Variants in MACROD2 observed in about 807,000 individuals in gnomAD.
MACROD2 encodes mono-ADP ribosylhydrolase 2, also known as ADP-ribose glycohydrolase MACROD2.
In MACROD2, 36 loss-of-function variants were observed where a neutral mutation model predicts 70.4. The ratio of observed to expected loss-of-function variants is 0.51; its 90% CI spans 0.39 to 0.68. The LOEUF (loss-of-function observed/expected upper bound fraction) is 0.68, where lower values mean the gene tolerates loss of function less well. MACROD2 is among the 30% of genes least tolerant of loss of function. MACROD2 has a pLI of 0.00. For missense variants in MACROD2, 496 were observed against 538.4 expected, an observed-to-expected ratio of 0.92 and a Z score of 0.78; for synonymous variants, 172 against 178.8, an observed-to-expected ratio of 0.96 and a Z score of 0.30.
intron 3 of MACROD2, among the ~76,000 whole-genome samples, chr20:14,406,443 A>G (rs943264953): frequency 6.6e-6 from 1 of 152,124 alleles, no homozygotes; most frequent in African/African-American, 2.4e-5. Context: ...CCTGGTACAA[A>G]GAATGATGTG....
At position 14,201,295 on chromosome 20, in the gene MACROD2, A is replaced by C. The variant is rs139979437; in HGVS notation, c.271+115567A>C. ...GCCTTGGATAATCTATAAACTATGCAATCAGCTTCTTAAATATTCTTTTCT... is the reference window on the plus strand; with the variant it reads ...GCCTTGGATAATCTATAAACTATGCCATCAGCTTCTTAAATATTCTTTTCT... On this transcript the variant is annotated intron_variant, in intron 3 of 17. Coordinates refer to ENST00000684519, the MANE Select transcript of MACROD2 (RefSeq NM_001351661.2). 7.7e-4 allele frequency among the ~76,000 whole-genome samples: 117 copies of C among 152,336 alleles called. 2 individuals are homozygous for C. Among genetic ancestry groups the C allele is most frequent in the Middle Eastern group, 3.4e-3 (1 of 294 alleles).
chr20:14,191,452 A>G (rs1293395449), intron 3 of MACROD2, among the ~76,000 whole-genome samples: 1 of 152,212 alleles, frequency 6.6e-6, no homozygotes, highest in East Asian at 1.9e-4. Flanking sequence ...TTCAATAAAT[A>G]TTTAAGTAGT....
intron 8 of MACROD2, among the ~76,000 whole-genome samples, chr20:15,608,243 C>T (rs774272082): frequency 9.8e-5 from 15 of 152,298 alleles, no homozygotes; most frequent in African/African-American, 2.6e-4. Context: ...ATTTTTCAAA[C>T]GTGCACTCTC....
chr20:14,997,947 G>T (rs59888773), intron 5 of MACROD2, among the ~76,000 whole-genome samples: 3,614 of 152,282 alleles, frequency 0.024, 140 homozygotes, highest in African/African-American at 0.082. Flanking sequence ...GAGAACAAGA[G>T]ACTGCTGGTA....
At chr20:14,463,661 G>T (rs1027203235) in intron 3 of MACROD2, among the ~76,000 whole-genome samples, 1 of 151,992 alleles carries the variant, frequency 6.6e-6, no homozygotes, top group African/African-American at 2.4e-5. Flanking sequence ...TATGATATTG[G>T]CTGTGGGTTT....
At chr20:14,197,144 T>A (rs960706539) in intron 3 of MACROD2, among the ~76,000 whole-genome samples, 17 of 152,262 alleles carry the variant, frequency 1.1e-4, no homozygotes, top group African/African-American at 4.1e-4. Context: ...TTTTGGCATT[T>A]GAAATGCATA....
chr20:15,573,444 T>G (rs2048402112), intron 8 of MACROD2, among the ~76,000 whole-genome samples: 1 of 152,112 alleles, frequency 6.6e-6, no homozygotes, highest in Non-Finnish European at 1.5e-5. Context: ...CATAGGAAAA[T>G]CAGCAAAGGT....
intron 5 of MACROD2, among the ~76,000 whole-genome samples, chr20:14,753,322 T>G (rs564155673): frequency 6.6e-6 from 1 of 152,176 alleles, no homozygotes; most frequent in South Asian, 2.1e-4. Flanking sequence ...AAGACCAAGT[T>G]TCATGTCAGC....
At chr20:15,538,569 G>A (rs945963281) in intron 8 of MACROD2, among the ~76,000 whole-genome samples, 1 of 152,158 alleles carries the variant, frequency 6.6e-6, no homozygotes, top group Non-Finnish European at 1.5e-5. Flanking sequence ...TTGAAATGAA[G>A]CATCATTGTT....
intron 10 of MACROD2, among the ~76,000 whole-genome samples, chr20:15,915,052 C>T (rs1663301631): frequency 6.6e-6 from 1 of 152,172 alleles, no homozygotes; most frequent in South Asian, 2.1e-4. Flanking sequence ...TGGGGTGTGC[C>T]ACCGTCCTAG....
At chr20:14,099,291 G>A (rs752793966) in intron 3 of MACROD2, among the ~76,000 whole-genome samples, 18 of 151,500 alleles carry the variant, frequency 1.2e-4, no homozygotes, top group African/African-American at 3.4e-4. Flanking sequence ...AAAAAAAAAG[G>A]CAGCAGAATG....
At chr20:15,329,985 T>C (rs1343917492) in intron 6 of MACROD2, among the ~76,000 whole-genome samples, 1 of 152,034 alleles carries the variant, frequency 6.6e-6, no homozygotes, top group African/African-American at 2.4e-5. Context: ...TCCTTATCTC[T>C]GAAGACACCG....
At chr20:14,876,494 G>A (rs551026919) in intron 5 of MACROD2, among the ~76,000 whole-genome samples, 1 of 152,172 alleles carries the variant, frequency 6.6e-6, no homozygotes, top group East Asian at 1.9e-4. Context: ...GTCAATTTTT[G>A]TTTTAGTAGC....
At chr20:15,320,223 A>G (rs180804554) in intron 6 of MACROD2, among the ~76,000 whole-genome samples, 2 of 152,272 alleles carry the variant, frequency 1.3e-5, no homozygotes, top group East Asian at 3.9e-4. Flanking sequence ...AAACAAAACA[A>G]AAAACATTGT....
intron 3 of MACROD2, among the ~76,000 whole-genome samples, chr20:14,492,962 C>T (rs534449100): frequency 2.3e-4 from 35 of 152,048 alleles, no homozygotes; most frequent in African/African-American, 8.2e-4. Flanking sequence ...ACGTTTATTT[C>T]TTTCCTCAAA....
intron 5 of MACROD2, among the ~76,000 whole-genome samples, chr20:15,030,467 T>C (rs2075265947): frequency 6.6e-6 from 1 of 152,154 alleles, no homozygotes; most frequent in Non-Finnish European, 1.5e-5. Context: ...TTTTGAGGCA[T>C]GTTCTACACA....
chr20:14,924,434 G>T (rs2122649603), intron 5 of MACROD2, among the ~76,000 whole-genome samples: 1 of 151,024 alleles, frequency 6.6e-6, no homozygotes, highest in South Asian at 2.1e-4. Context: ...GCAATACTCT[G>T]CCTCAAAAAA....
At chr20:15,626,788 G>A (rs981692264) in intron 8 of MACROD2, among the ~76,000 whole-genome samples, 1 of 152,094 alleles carries the variant, frequency 6.6e-6, no homozygotes, top group African/African-American at 2.4e-5. Context: ...CCAGGAGATG[G>A]AGGTTGCAGT....
intron 2 of MACROD2, among the ~76,000 whole-genome samples, chr20:14,036,927 TAA>T (rs1232893607): frequency 6.6e-6 from 1 of 152,252 alleles, no homozygotes; most frequent in Non-Finnish European, 1.5e-5. Context: ...AATTAGTTTT[TAA>T]TTTACTAATC....
Sources: gnomAD v4.1 joint callset for allele counts (sites outside exome capture counted in the v4.1 genomes callset) on GRCh38, gnomAD v4.1.1 for gene constraint, MANE v1.5 for transcripts, NCBI Gene and HGNC (gene_info 2026-07-23, HGNC 2026-07-21) for gene names.